The following UPRT variants were observed in gnomAD, a reference collection of about 807,000 sequenced individuals.
UPRT encodes the protein RP11-311P8.3.
Under a neutral mutation model 22.6 loss-of-function variants are expected in UPRT, and 5 were observed. The observed-to-expected ratio is 0.22, with a 90% CI of 0.12 to 0.47. UPRT has a LOEUF of 0.47. UPRT is among the 20% of genes least tolerant of loss of function. UPRT has a pLI of 0.99. For missense variants in UPRT, 181 were observed against 239.9 expected (o/e 0.75, Z 1.62); for synonymous variants, 77 against 87.7 (o/e 0.88, Z 0.68).
At chrX:75,269,281 C>T (rs1053209544), upstream of UPRT, among the ~76,000 whole-genome samples, 10 of 111,919 alleles carry the variant, frequency 8.9e-5, no homozygotes, top group African/African-American at 1.6e-4. Context: ...GAAAAACATT[C>T]CATGCTTATG....
At chrX:75,182,052 T>G (rs2082271815) in intron 4 of UPRT, among the ~76,000 whole-genome samples, 1 of 112,257 alleles carries the variant, frequency 8.9e-6, no homozygotes, top group South Asian at 3.7e-4. Flanking sequence ...GTTTGTAACA[T>G]GAAGGGACTT....
Position 75,265,964 on chromosome X carries a change from T to G in UPRT, c.-446-25060T>G, listed in dbSNP as rs1340030497. ...AAGATACAAACAAATGGAAGAACAT[T>G]CCATGCTCATGGGTAGGAAGAATCA... On this transcript the variant is annotated intron_variant, in intron 4 of 13. Coordinates refer to the UPRT transcript ENST00000652605. 2.7e-5 allele frequency among the ~76,000 whole-genome samples: 3 copies of G among 111,289 alleles called. No individual in the cohort carries two copies. The East Asian group carries it at 8.4e-4, about 31-fold the overall frequency.
intron 4 of UPRT, among the ~76,000 whole-genome samples, chrX:75,245,000 G>A (rs950196286): frequency 9.1e-6 from 1 of 110,324 alleles, no homozygotes; most frequent in Admixed American, 9.7e-5. Context: ...CCACAGAATG[G>A]GAGAAAGCAT....
At chrX:75,289,228 A>T (rs1344363631) in intron 1 of UPRT, among the ~76,000 whole-genome samples, 1 of 111,319 alleles carries the variant, frequency 9.0e-6, no homozygotes, top group Non-Finnish European at 1.9e-5. Context: ...CTGCAAAAAA[A>T]TACCTAGGAA....
intron 4 of UPRT, among the ~76,000 whole-genome samples, chrX:75,209,671 C>A (rs753048402): frequency 2.7e-5 from 3 of 112,486 alleles, no homozygotes; most frequent in African/African-American, 9.7e-5. Flanking sequence ...CTGTTCCTGG[C>A]CCAGTGTTTC....
At chrX:75,242,068 AAAT>A (rs1207803478) in intron 4 of UPRT, among the ~76,000 whole-genome samples, 3 of 110,892 alleles carry the variant, frequency 2.7e-5, no homozygotes, top group Non-Finnish European at 3.8e-5. Context: ...AAAAGGAATG[AAAT>A]AATAATAATA....
At chrX:75,188,390 C>T (rs1254169938) in intron 4 of UPRT, among the ~76,000 whole-genome samples, 1 of 112,137 alleles carries the variant, frequency 8.9e-6, no homozygotes, top group Admixed American at 9.4e-5. Context: ...TCTCAGATCT[C>T]CAGCTGTGTG....
At chrX:75,200,133 G>A (rs747642927) in intron 4 of UPRT, among the ~76,000 whole-genome samples, 1 of 111,615 alleles carries the variant, frequency 9.0e-6, no homozygotes, top group Non-Finnish European at 1.9e-5. Context: ...TTCCTATTGC[G>A]TTCTTTCTGC....
Position 75,282,834 on chromosome X carries a change from T to C in UPRT, c.386+8194T>C, listed in dbSNP as rs769027174. Among the ~76,000 whole-genome samples, 6 of 111,913 alleles carry C rather than the reference T, an allele frequency of 5.4e-5. No individual in the cohort carries two copies. The South Asian group carries it at 2.3e-3, about 42-fold the overall frequency. ...TAAATCCATTGTTTCTTTGTTGACC[T>C]TCTGTCTTGATGACCTGTCTAGTGC... On this transcript the variant is annotated intron_variant, in intron 1 of 6. Coordinates refer to ENST00000373383, the MANE Select transcript of UPRT (RefSeq NM_145052.4).
chrX:75,189,048 T>G (rs1396727265), intron 4 of UPRT, among the ~76,000 whole-genome samples: 1 of 112,049 alleles, frequency 8.9e-6, no homozygotes, highest in East Asian at 2.8e-4. Context: ...TCCCCCCGCT[T>G]CTCTAGTTCT....
chrX:75,173,370 A>G (rs1417086302), intron 4 of UPRT, among the ~76,000 whole-genome samples: 1 of 98,462 alleles, frequency 1.0e-5, no homozygotes, highest in Admixed American at 1.1e-4. Context: ...GCTAGACATA[A>G]AGGTTCTCCA....
intron 4 of UPRT, among the ~76,000 whole-genome samples, chrX:75,223,246 C>G (rs1196616308): frequency 9.1e-6 from 1 of 109,294 alleles, no homozygotes; most frequent in African/African-American, 3.3e-5. Context: ...CTTCCCTCTC[C>G]TTTCCTCAAG....
intron 4 of UPRT, among the ~76,000 whole-genome samples, chrX:75,213,542 G>A (rs1049302147): frequency 9.0e-6 from 1 of 111,411 alleles, no homozygotes; most frequent in Non-Finnish European, 1.9e-5. Flanking sequence ...ATTGTCAGAG[G>A]GAGTCAAGAC....
chrX:75,233,943 T>C (rs1205392680), intron 4 of UPRT, among the ~76,000 whole-genome samples: 1 of 110,034 alleles, frequency 9.1e-6, no homozygotes, highest in African/African-American at 3.3e-5. Flanking sequence ...CAATATTAAC[T>C]TTAAATGTAA....
intron 1 of UPRT, among the ~76,000 whole-genome samples, chrX:75,281,167 G>A (rs1050861718): frequency 5.4e-5 from 6 of 111,203 alleles, no homozygotes; most frequent in African/African-American, 2.0e-4. Context: ...CTTTCTGGAG[G>A]AGCCTTTAGG....
At chrX:75,205,383 C>CAAAAAAAAAAAAAAAAAAA (rs55819232) in intron 4 of UPRT, among the ~76,000 whole-genome samples, 1 of 38,147 alleles carries the variant, frequency 2.6e-5, no homozygotes, top group Non-Finnish European at 4.0e-5. Flanking sequence ...GACTCCGTCT[C>CAAAAAAAAAAAAAAAAAAA]AAAAAAAAAA....
At chrX:75,275,523 T>G (rs1464796657) in intron 1 of UPRT, among the ~76,000 whole-genome samples, 2 of 111,340 alleles carry the variant, frequency 1.8e-5, no homozygotes, top group Non-Finnish European at 3.8e-5. Flanking sequence ...AACCAGACTC[T>G]AGAAACCTTG....
chrX:75,280,583 G>A (rs1371142583), intron 1 of UPRT, among the ~76,000 whole-genome samples: 1 of 111,486 alleles, frequency 9.0e-6, no homozygotes, highest in Admixed American at 9.5e-5. Context: ...TTGGCTATAA[G>A]TATTTGGGTT....
rs1206051867 is a variant in UPRT, at chrX:75,304,580, T to C, written c.*1069T>C. ...AAACTCTCATCTCATTTTACATTGA[T>C]ATTAAAACATTTTAACAGTGTTGGC... On this transcript the variant is annotated 3_prime_UTR_variant, in exon 7 of 7. Transcript: ENST00000373383. 9.0e-6 allele frequency: 1 copy of C among 111,625 alleles called. No homozygotes were observed. Among genetic ancestry groups the C allele is most frequent in the Admixed American group, 9.5e-5 (1 of 10,495 alleles). The allele number at this position is 111,625 out of a possible 1,213,427, so 9.2% of individuals were successfully genotyped here.
Sources: allele counts gnomAD v4.1 joint callset (sites outside exome capture counted in the v4.1 genomes callset), GRCh38; gene constraint gnomAD v4.1.1; transcripts MANE v1.5; gene names NCBI Gene and HGNC (gene_info 2026-07-23, HGNC 2026-07-21).